Variants in CFAP53 observed in about 807,000 individuals in gnomAD.
CFAP53 encodes cilia- and flagella-associated protein 53.
In CFAP53, 62 loss-of-function variants were observed where a neutral mutation model predicts 59.7. That is an observed-to-expected ratio of 1.04 (90% CI 0.85 to 1.28). The LOEUF is 1.28. Ranked by LOEUF, CFAP53 falls within the 50% of genes most tolerant of loss-of-function variation. The pLI is 0.00. For missense variants in CFAP53, 629 were observed against 615.6 expected, an observed-to-expected ratio of 1.02 and a Z score of -0.23; for synonymous variants, 218 against 205.7, an observed-to-expected ratio of 1.06 and a Z score of -0.51.
intron 7 of CFAP53, among the ~76,000 whole-genome samples, chr18:50,232,154 C>G (rs1175066869): frequency 6.6e-6 from 1 of 152,210 alleles, no homozygotes. Context: ...CTGAGTTGCA[C>G]CATCCCCAAG....
intron 7 of CFAP53, among the ~76,000 whole-genome samples, chr18:50,237,194 T>C (rs1289157209): frequency 1.4e-5 from 2 of 145,648 alleles, no homozygotes; most frequent in Non-Finnish European, 3.0e-5. Context: ...TAATCCTAGG[T>C]ATTTGAGTGG....
At chr18:50,235,052 T>C (rs992520786) in intron 7 of CFAP53, among the ~76,000 whole-genome samples, 6 of 152,254 alleles carry the variant, frequency 3.9e-5, no homozygotes, top group Non-Finnish European at 8.8e-5. Context: ...TGCTTAACGC[T>C]GAGGCAGGAG....
At chr18:50,255,576 C>A (rs1374688854) in intron 3 of CFAP53, among the ~76,000 whole-genome samples, 12 of 150,076 alleles carry the variant, frequency 8.0e-5, no homozygotes, top group African/African-American at 1.5e-4. Context: ...AAATTAAATA[C>A]AAAAAAAAAC....
At position 50,266,465 on chromosome 18, in the gene CFAP53, T is replaced by G. The variant is rs572451812; in HGVS notation, c.-61A>C. The stretch of plus-strand genomic sequence containing the variant: ...CGCGTTTCCCCCAACCGTGGCGACC[T>G]GCGGGACCCGCTTCCGCGACGCAGA... On this transcript the variant is annotated 5_prime_UTR_variant, in exon 1 of 8. Transcript: ENST00000398545. 1.8e-4 allele frequency: 273 copies of G among 1,535,044 alleles called. 1 individual carries two copies. Among genetic ancestry groups the G allele is most frequent in the Admixed American group, 8.5e-4 (51 of 59,886 alleles).
At chr18:50,261,427 C>G (rs1228803310) in intron 2 of CFAP53, among the ~76,000 whole-genome samples, 190 bp from the exon 3 acceptor site, 1 of 152,106 alleles carries the variant, frequency 6.6e-6, no homozygotes, top group Non-Finnish European at 1.5e-5. Context: ...CAGGATCTCG[C>G]TCTGTCACCC....
At chr18:50,262,648 AC>A (rs1222424804) in intron 1 of CFAP53, among the ~76,000 whole-genome samples, 1 of 152,252 alleles carries the variant, frequency 6.6e-6, no homozygotes, top group African/African-American at 2.4e-5. Context: ...ACGGTTGGAC[AC>A]CATAGTTATC....
intron 7 of CFAP53, among the ~76,000 whole-genome samples, chr18:50,230,291 G>T (rs2033568366): frequency 6.6e-6 from 1 of 152,152 alleles, no homozygotes; most frequent in African/African-American, 2.4e-5. Flanking sequence ...TTGGTCACTA[G>T]AAAGACCAAG....
chr18:50,264,076 C>T (rs2033916895), intron 1 of CFAP53, among the ~76,000 whole-genome samples: 1 of 152,064 alleles, frequency 6.6e-6, no homozygotes, highest in Non-Finnish European at 1.5e-5. Flanking sequence ...TAAAAAGAAA[C>T]AGGGGAAGTT....
At chr18:50,229,675 T>C (rs1201996453) in intron 7 of CFAP53, among the ~76,000 whole-genome samples, 2 of 152,108 alleles carry the variant, frequency 1.3e-5, no homozygotes, top group Non-Finnish European at 2.9e-5. Flanking sequence ...TCCATAATGG[T>C]TATATAATTT....
At chr18:50,228,986 G>C (rs1042011845) in intron 7 of CFAP53, among the ~76,000 whole-genome samples, 2 of 152,018 alleles carry the variant, frequency 1.3e-5, no homozygotes, top group Non-Finnish European at 2.9e-5. Flanking sequence ...TGTGGTCCCA[G>C]CTGAAGTGGG....
chr18:50,235,409 T>C (rs1283704971), intron 7 of CFAP53, among the ~76,000 whole-genome samples: 1 of 151,644 alleles, frequency 6.6e-6, no homozygotes, highest in African/African-American at 2.4e-5. Context: ...CTACTAAAAA[T>C]TACAAAAATT....
At chr18:50,260,383 C>T (rs541432578) in intron 3 of CFAP53, among the ~76,000 whole-genome samples, 2 of 152,076 alleles carry the variant, frequency 1.3e-5, no homozygotes, top group East Asian at 1.9e-4. Context: ...TAGAGAGGGC[C>T]GGGCATGGTG....
intron 7 of CFAP53, 134 bp downstream of exon 7, chr18:50,238,469 C>A: frequency 1.7e-6 from 1 of 589,412 alleles, no homozygotes; most frequent in East Asian, 3.0e-5. Flanking sequence ...CCAGGCTAAT[C>A]TCAAACTCCT....
intron 7 of CFAP53, among the ~76,000 whole-genome samples, chr18:50,237,438 G>A (rs1256333469): frequency 7.1e-6 from 1 of 139,898 alleles, no homozygotes; most frequent in African/African-American, 2.7e-5. Flanking sequence ...GATTTCCACA[G>A]CAGAGGCAGT....
chr18:50,242,530 T>C (rs1269322856), intron 6 of CFAP53, among the ~76,000 whole-genome samples: 30 of 152,130 alleles, frequency 2.0e-4, no homozygotes, highest in Admixed American at 2.0e-3. Flanking sequence ...CCATTCAGGG[T>C]CCCTGACTTC....
chr18:50,239,746 A>T (rs529719459), intron 6 of CFAP53, among the ~76,000 whole-genome samples: 15 of 152,340 alleles, frequency 9.8e-5, no homozygotes, highest in African/African-American at 3.6e-4. Context: ...AAAAATATAG[A>T]CCATAAAACA....
chr18:50,249,529 A>T lies in CFAP53; in HGVS notation c.996+1229T>A, dbSNP rs575329097. ...CAAGACTGTCTCAAAAAAAAAAATTAAAAAAAAAGAAAAAGAAAAAGAAAC... is the reference window on the plus strand; with the variant it reads ...CAAGACTGTCTCAAAAAAAAAAATTTAAAAAAAAGAAAAAGAAAAAGAAAC... On this transcript the variant is annotated intron_variant, in intron 5 of 7. Coordinates refer to ENST00000398545, the MANE Select transcript of CFAP53 (RefSeq NM_145020.5). Among the ~76,000 whole-genome samples, 31 of 151,336 alleles carry T rather than the reference A, an allele frequency of 2.0e-4. No individual in the cohort carries two copies. The East Asian group carries it at 2.1e-3, about 10-fold the overall frequency.
chr18:50,251,983 A>G (rs937685426), intron 3 of CFAP53, among the ~76,000 whole-genome samples, 199 bp from the exon 4 acceptor site: 4 of 152,224 alleles, frequency 2.6e-5, no homozygotes. Context: ...AAACTGGAGT[A>G]AAGCAAAGGC....
At chr18:50,237,329 A>AAAAATATATATATATATAT in intron 7 of CFAP53, among the ~76,000 whole-genome samples, 1 of 6,348 alleles carries the variant, frequency 1.6e-4, no homozygotes, top group Non-Finnish European at 4.6e-4. Flanking sequence ...AAAAAAAAAA[A>AAAAATATATATATATATAT]ATATATATAT....
Sources: allele counts gnomAD v4.1 joint callset (sites outside exome capture counted in the v4.1 genomes callset), GRCh38; gene constraint gnomAD v4.1.1; transcripts MANE v1.5; gene names NCBI Gene and HGNC (gene_info 2026-07-23, HGNC 2026-07-21).